The following IL1RAPL1 variants were observed in gnomAD, a reference collection of about 807,000 sequenced individuals.
IL1RAPL1 encodes the protein interleukin 1 receptor accessory protein like 1.
A neutral mutation model predicts 48.4 loss-of-function variants in IL1RAPL1; 3 were observed. That is an observed-to-expected ratio of 0.06 (90% CI 0.03 to 0.16). The LOEUF (loss-of-function observed/expected upper bound fraction) is 0.16, where lower values mean the gene tolerates loss of function less well. Ranked by LOEUF, IL1RAPL1 falls within the 10% of genes least tolerant of loss-of-function variation. The pLI is 1.00. For missense variants in IL1RAPL1, 349 were observed against 530.6 expected, an observed-to-expected ratio of 0.66 and a Z score of 3.36; for synonymous variants, 185 against 187.7, an observed-to-expected ratio of 0.99 and a Z score of 0.12.
intron 5 of IL1RAPL1, among the ~76,000 whole-genome samples, chrX:29,666,600 C>T (rs946158488): frequency 9.2e-6 from 1 of 108,721 alleles, no homozygotes; most frequent in African/African-American, 3.4e-5. Context: ...AACATTATGC[C>T]GTCAAGTGGG....
In IL1RAPL1 at chrX:29,941,787, C is replaced by G; in HGVS notation, c.1194C>G (p.Leu398=). 2.5e-6 allele frequency: 3 copies of G among 1,204,490 alleles called. No homozygotes were observed. The highest frequency in any genetic ancestry group is 3.4e-6 in the Non-Finnish European group (3 of 889,486). Residue 398 remains leucine (L), a synonymous_variant, in exon 9 of 11, where the codon CTC becomes CTG. Coordinates refer to ENST00000378993, the MANE Select transcript of IL1RAPL1 (RefSeq NM_014271.4). ...FYRNHFGAEE[L]DGDNKDYDAY... ...GGAATCATTTTGGAGCTGAAGAGCT[C>G]GATGGAGGTAGGATGTTACCTCTTT...
At chrX:29,577,485 T>C (rs893486848) in intron 5 of IL1RAPL1, among the ~76,000 whole-genome samples, 2 of 111,726 alleles carry the variant, frequency 1.8e-5, no homozygotes, top group African/African-American at 6.5e-5. Context: ...AAAGTAGGCT[T>C]CCCTTTCTCA....
intron 2 of IL1RAPL1, among the ~76,000 whole-genome samples, chrX:29,077,462 G>T (rs1927702943): frequency 1.8e-5 from 2 of 109,795 alleles, no homozygotes; most frequent in Admixed American, 2.0e-4. Flanking sequence ...AATTACCTGG[G>T]CATGGTGGTG....
At chrX:29,377,110 G>T (rs1047572271) in intron 3 of IL1RAPL1, among the ~76,000 whole-genome samples, 1 of 112,068 alleles carries the variant, frequency 8.9e-6, no homozygotes, top group Admixed American at 9.5e-5. Context: ...ATTATGTAAT[G>T]CCCTTCTTTG....
At chrX:28,981,914 C>T (rs1925351621) in intron 2 of IL1RAPL1, among the ~76,000 whole-genome samples, 1 of 111,697 alleles carries the variant, frequency 9.0e-6, no homozygotes. Context: ...TGTTCATACC[C>T]CCTCTCCCAT....
chrX:29,836,102 T>C (rs1418068460), intron 6 of IL1RAPL1, among the ~76,000 whole-genome samples: 1 of 110,383 alleles, frequency 9.1e-6, no homozygotes, highest in Non-Finnish European at 1.9e-5. Flanking sequence ...TGTTGTTCTT[T>C]TTCAATGTCA....
At chrX:29,207,015 T>G (rs914718325) in intron 2 of IL1RAPL1, among the ~76,000 whole-genome samples, 2 of 111,674 alleles carry the variant, frequency 1.8e-5, no homozygotes, top group African/African-American at 6.5e-5. Context: ...CTTCCAGTCC[T>G]CACCCCAAGG....
intron 5 of IL1RAPL1, among the ~76,000 whole-genome samples, chrX:29,637,210 T>C (rs1924996930): frequency 9.2e-6 from 1 of 108,645 alleles, no homozygotes; most frequent in Non-Finnish European, 1.9e-5. Flanking sequence ...TAGGTATAAA[T>C]AGAAAATTCA....
chrX:29,454,732 C>T (rs185623849), intron 5 of IL1RAPL1, among the ~76,000 whole-genome samples: 1 of 110,371 alleles, frequency 9.1e-6, no homozygotes, highest in African/African-American at 3.3e-5. Flanking sequence ...ATACAATAAA[C>T]ATGACTACAC....
intron 2 of IL1RAPL1, among the ~76,000 whole-genome samples, chrX:29,210,738 C>T (rs949318716): frequency 2.7e-5 from 3 of 111,688 alleles, no homozygotes; most frequent in African/African-American, 9.8e-5. Context: ...GTCACGCTCC[C>T]CTTGTCCTTT....
chrX:29,804,510 G>A (rs1423919548), intron 6 of IL1RAPL1, among the ~76,000 whole-genome samples: 1 of 111,253 alleles, frequency 9.0e-6, no homozygotes, highest in Admixed American at 9.6e-5. Context: ...GTGGTAGTGA[G>A]TAAGTCTCTT....
At chrX:29,915,078 G>A (rs1311885103) in intron 6 of IL1RAPL1, among the ~76,000 whole-genome samples, 1 of 110,452 alleles carries the variant, frequency 9.1e-6, no homozygotes, top group African/African-American at 3.4e-5. Flanking sequence ...GGCAGATCAC[G>A]AGGTCAGTAG....
At chrX:28,884,320 AT>A (rs1922578542) in intron 2 of IL1RAPL1, among the ~76,000 whole-genome samples, 2 of 111,925 alleles carry the variant, frequency 1.8e-5, no homozygotes, top group African/African-American at 6.5e-5. Context: ...ATCAACTAAA[AT>A]TTTTATAAAG....
chrX:29,203,571 T>G (rs1188679536), intron 2 of IL1RAPL1, among the ~76,000 whole-genome samples: 2 of 107,779 alleles, frequency 1.9e-5, no homozygotes, highest in Non-Finnish European at 3.8e-5. Context: ...AAATACAAAT[T>G]AGTTGGGCGT....
intron 8 of IL1RAPL1, among the ~76,000 whole-genome samples, chrX:29,933,064 G>C (rs1033235215): frequency 9.0e-6 from 1 of 111,521 alleles, no homozygotes; most frequent in Non-Finnish European, 1.9e-5. Flanking sequence ...ATTGTCATTA[G>C]CTTTGTGAAT....
At chrX:29,760,228 A>G (rs1928723181) in intron 6 of IL1RAPL1, among the ~76,000 whole-genome samples, 1 of 111,431 alleles carries the variant, frequency 9.0e-6, no homozygotes, top group South Asian at 3.8e-4. Flanking sequence ...AAAGCTCTCA[A>G]GGTGATTCTA....
At chrX:29,405,557 G>A (rs1433812976) in intron 5 of IL1RAPL1, among the ~76,000 whole-genome samples, 2 of 101,205 alleles carry the variant, frequency 2.0e-5, no homozygotes, top group South Asian at 4.2e-4. Flanking sequence ...TAGTAGAGAC[G>A]GGGTTTCACC....
At chrX:29,487,156 C>T (rs1935106089) in intron 5 of IL1RAPL1, among the ~76,000 whole-genome samples, 1 of 111,971 alleles carries the variant, frequency 8.9e-6, no homozygotes, top group African/African-American at 3.2e-5. Context: ...GAACATTTTT[C>T]TGTTCTTTTA....
At chrX:28,615,199 GTTTTTTTTTTTT>G (rs778402885) in intron 1 of IL1RAPL1, among the ~76,000 whole-genome samples, 6 of 26,056 alleles carry the variant, frequency 2.3e-4, no homozygotes, top group South Asian at 3.3e-3. Flanking sequence ...ACTGTTGTCT[GTTTTTTTTTTTT>G]TTTTTTTTTT....
Sources: gnomAD v4.1 joint callset for allele counts (sites outside exome capture counted in the v4.1 genomes callset) on GRCh38, gnomAD v4.1.1 for gene constraint, MANE v1.5 for transcripts, NCBI Gene and HGNC (gene_info 2026-07-23, HGNC 2026-07-21) for gene names.